Variants in MAP3K21 observed in about 807,000 individuals in gnomAD.
MAP3K21 encodes mitogen-activated protein kinase kinase kinase MLK4.
MAP3K21 carries 63 observed loss-of-function variants against 86.1 expected under a neutral mutation model. The ratio of observed to expected loss-of-function variants is 0.73; its 90% CI spans 0.60 to 0.90. The LOEUF is 0.90. Among genes scored for constraint, MAP3K21 ranks in the 40% least tolerant of loss-of-function variants. The pLI is 0.00. For missense variants in MAP3K21, 1,220 were observed against 1,367.7 expected (o/e 0.89, Z 1.70); for synonymous variants, 558 against 564.8 (o/e 0.99, Z 0.17).
chr1:233,350,060 TC>T (rs1663219521), intron 2 of MAP3K21, among the ~76,000 whole-genome samples: 1 of 152,144 alleles, frequency 6.6e-6, no homozygotes, highest in Admixed American at 6.5e-5. Context: ...GGCATCCCTC[TC>T]CCCTCTTCTA....
At chr1:233,331,742 T>C (rs1417419706) in intron 1 of MAP3K21, among the ~76,000 whole-genome samples, 2 of 152,232 alleles carry the variant, frequency 1.3e-5, no homozygotes, top group African/African-American at 4.8e-5. Flanking sequence ...ATGTTACTCT[T>C]GACAGATTTT....
chr1:233,342,163 T>C (rs1663049680), intron 1 of MAP3K21, among the ~76,000 whole-genome samples: 1 of 152,208 alleles, frequency 6.6e-6, no homozygotes, highest in Non-Finnish European at 1.5e-5. Context: ...CTGATGTGGA[T>C]GGAACATTCA....
intron 1 of MAP3K21, among the ~76,000 whole-genome samples, chr1:233,341,091 A>G (rs1663031778): frequency 1.3e-5 from 2 of 152,192 alleles, no homozygotes; most frequent in African/African-American, 4.8e-5. Context: ...GGGGCTAACG[A>G]GGGTCAAAAA....
In MAP3K21 at chr1:233,339,374, CCTTCTT is replaced by C. The variant is rs1558451223; in HGVS notation, c.806-7065_806-7060del. Among the ~76,000 whole-genome samples, 346 of 44,214 alleles carry C rather than the reference CCTTCTT, an allele frequency of 7.8e-3. 20 individuals carry two copies. The highest frequency in any genetic ancestry group is 0.029 in the Middle Eastern group (2 of 70). 29.0% of individuals were successfully genotyped at this position (44,214 alleles called of 152,430 possible). ...TCCCTCTTCTCCTTCTCCTCCTTCT[CCTTCTT>C]CTCCTTCTTCTCCTCCTTCTCCTCC... On this transcript the variant is annotated intron_variant, in intron 1 of 9. Coordinates refer to ENST00000366624, the MANE Select transcript of MAP3K21 (RefSeq NM_032435.3).
chr1:233,374,905 T>A (rs1427589196), intron 6 of MAP3K21, among the ~76,000 whole-genome samples: 2 of 150,830 alleles, frequency 1.3e-5, no homozygotes, highest in Admixed American at 1.3e-4. Flanking sequence ...TTCCCCTAAG[T>A]GTGTAGTAAT....
At chr1:233,363,563 A>C (rs1204038490) in intron 5 of MAP3K21, among the ~76,000 whole-genome samples, 1 of 152,072 alleles carries the variant, frequency 6.6e-6, no homozygotes, top group Non-Finnish European at 1.5e-5. Flanking sequence ...GTAGCCGGGC[A>C]TGGTGGCAGG....
In MAP3K21 at chr1:233,327,970, C is replaced by G. The variant is rs1662724597; in HGVS notation, c.-59C>G. The G allele has an allele frequency of 4.9e-6, 6 of 1,225,670 alleles. No individual in the cohort carries two copies. In the South Asian group the frequency reaches 1.9e-4, roughly 38 times the overall value. 75.9% of individuals were successfully genotyped at this position (1,225,670 alleles called of 1,614,324 possible). On this transcript the variant is annotated 5_prime_UTR_variant, in exon 1 of 10. Coordinates refer to ENST00000366624, the MANE Select transcript of MAP3K21 (RefSeq NM_032435.3). Reference sequence around the variant, plus strand: ...CACACCGCCGGACGATGCGCGCCCGCGGCCGCCCGGGAGGCTGAGCCCAGC... The same window carrying G: ...CACACCGCCGGACGATGCGCGCCCGGGGCCGCCCGGGAGGCTGAGCCCAGC...
chr1:233,359,446 A>C (rs1663426809), intron 4 of MAP3K21, among the ~76,000 whole-genome samples: 1 of 152,204 alleles, frequency 6.6e-6, no homozygotes, highest in African/African-American at 2.4e-5. Context: ...ATCTTTTTTG[A>C]TGAAGTAAAA....
intron 4 of MAP3K21, among the ~76,000 whole-genome samples, chr1:233,357,336 G>T (rs142989144): frequency 1.5e-4 from 22 of 151,628 alleles, no homozygotes; most frequent in African/African-American, 5.1e-4. Context: ...CACACCAACA[G>T]GGCGCATGTA....
At chr1:233,345,603 G>A (rs1663120940) in intron 1 of MAP3K21, among the ~76,000 whole-genome samples, 1 of 151,656 alleles carries the variant, frequency 6.6e-6, no homozygotes, top group Admixed American at 6.6e-5. Flanking sequence ...GCAGGGGGAG[G>A]GATAGCATTA....
chr1:233,334,684 A>G (rs72754009), intron 1 of MAP3K21, among the ~76,000 whole-genome samples: 15,388 of 152,224 alleles, frequency 0.1, 938 homozygotes, highest in East Asian at 0.2. Context: ...GGACTATTTA[A>G]GAGGCAAGGG....
chr1:233,334,587 G>A (rs1026432760), intron 1 of MAP3K21, among the ~76,000 whole-genome samples: 3 of 86,512 alleles, frequency 3.5e-5, no homozygotes, highest in African/African-American at 1.2e-4. Flanking sequence ...ATGAAAAGTG[G>A]AGAAAGGGTT....
At chr1:233,350,797 A>G (rs574117515) in intron 2 of MAP3K21, among the ~76,000 whole-genome samples, 1 of 152,346 alleles carries the variant, frequency 6.6e-6, no homozygotes, top group South Asian at 2.1e-4. Flanking sequence ...CTCCCGACTC[A>G]CAGCCCTGAG....
At chr1:233,354,644 A>G (rs1259089395) in intron 3 of MAP3K21, among the ~76,000 whole-genome samples, 192 bp from the exon 4 acceptor site, 1 of 152,228 alleles carries the variant, frequency 6.6e-6, no homozygotes, top group Non-Finnish European at 1.5e-5. Context: ...TGTGACATGG[A>G]CACTATGTAA....
chr1:233,348,590 C>G (rs759036384), intron 2 of MAP3K21, among the ~76,000 whole-genome samples: 17 of 152,066 alleles, frequency 1.1e-4, no homozygotes, highest in Non-Finnish European at 2.1e-4. Context: ...AGTGGCTGCA[C>G]CTTCTTTTTT....
chr1:233,342,726 T>C (rs1663059796), intron 1 of MAP3K21, among the ~76,000 whole-genome samples: 1 of 152,128 alleles, frequency 6.6e-6, no homozygotes, highest in Admixed American at 6.6e-5. Context: ...TGGGACAGTA[T>C]AGATGGATAG....
chr1:233,340,677 C>G (rs979270674), intron 1 of MAP3K21, among the ~76,000 whole-genome samples: 8 of 152,092 alleles, frequency 5.3e-5, no homozygotes, highest in African/African-American at 1.9e-4. Flanking sequence ...GAGAAACATT[C>G]TATGCTATGT....
At chr1:233,348,315 A>C (rs1663187468) in intron 2 of MAP3K21, among the ~76,000 whole-genome samples, 1 of 152,196 alleles carries the variant, frequency 6.6e-6, no homozygotes, top group African/African-American at 2.4e-5. Flanking sequence ...GCATGGATCA[A>C]TACCTCCTTC....
chr1:233,343,258 C>A (rs575532477), intron 1 of MAP3K21, among the ~76,000 whole-genome samples: 2 of 152,280 alleles, frequency 1.3e-5, no homozygotes, highest in South Asian at 4.2e-4. Context: ...TGAAGGCTTG[C>A]TAAAAACACT....
Sources: allele counts gnomAD v4.1 joint callset (sites outside exome capture counted in the v4.1 genomes callset), GRCh38; gene constraint gnomAD v4.1.1; transcripts MANE v1.5; gene names NCBI Gene and HGNC (gene_info 2026-07-23, HGNC 2026-07-21).